The following PCDHGA10 variants were observed in gnomAD, a reference collection of about 807,000 sequenced individuals.
PCDHGA10 encodes protocadherin gamma subfamily A, 10.
In PCDHGA10, 42 loss-of-function variants were observed where a neutral mutation model predicts 59.5. The ratio of observed to expected loss-of-function variants is 0.71; its 90% CI spans 0.55 to 0.91. The LOEUF (loss-of-function observed/expected upper bound fraction) is 0.91, where lower values mean the gene tolerates loss of function less well. PCDHGA10 is among the 40% of genes least tolerant of loss of function. PCDHGA10 has a pLI of 0.00. For missense variants in PCDHGA10, 1,111 were observed against 1,198.2 expected (o/e 0.93, Z 1.07); for synonymous variants, 511 against 517.2 (o/e 0.99, Z 0.16).
intron 2 of PCDHGA10, among the ~76,000 whole-genome samples, chr5:141,504,354 G>C (rs1349256606): frequency 6.6e-6 from 1 of 152,100 alleles, no homozygotes; most frequent in Non-Finnish European, 1.5e-5. Flanking sequence ...TGTGCTAGGT[G>C]CTTCAGTAGG....
At chr5:141,427,869 AC>A in intron 1 of PCDHGA10, 1 of 1,559,604 alleles carries the variant, frequency 6.4e-7, no homozygotes, top group Non-Finnish European at 8.8e-7. Context: ...CTTCGAGCTC[AC>A]GATGCAGGCC....
intron 1 of PCDHGA10, among the ~76,000 whole-genome samples, chr5:141,480,693 G>C (rs1488899685): frequency 2.6e-5 from 4 of 152,096 alleles, no homozygotes; most frequent in Non-Finnish European, 5.9e-5. Context: ...CTGAAACCCA[G>C]GCCACACCCC....
At chr5:141,435,884 C>G (rs1020738994) in intron 1 of PCDHGA10, among the ~76,000 whole-genome samples, 9 of 152,070 alleles carry the variant, frequency 5.9e-5, no homozygotes, top group African/African-American at 1.9e-4. Flanking sequence ...ATTGGAAACC[C>G]CTTAGAGAAT....
At position 141,485,314 on chromosome 5, in the gene PCDHGA10, T is replaced by A. The variant is rs1292296791; in HGVS notation, c.2437-9493T>A. The A allele has an allele frequency of 1.2e-6, 2 of 1,614,150 alleles. No homozygotes were observed. The highest frequency in any genetic ancestry group is 1.7e-6 in the Non-Finnish European group (2 of 1,180,032). ...CACAGGAAGGGACTTTTGTAGGGAA[T>A]GTCGCTCAAGATTTCCTGCTGGATA... On this transcript the variant is annotated intron_variant, in intron 1 of 3. Coordinates refer to ENST00000398610, the MANE Select transcript of PCDHGA10 (RefSeq NM_018913.3). This position sits in a 1 kb window ranked among gnomAD's most constrained non-coding sequence, Gnocchi z 5.7.
intron 1 of PCDHGA10, among the ~76,000 whole-genome samples, chr5:141,483,646 GTT>G (rs2099584256): frequency 6.8e-6 from 1 of 146,706 alleles, no homozygotes; most frequent in Admixed American, 6.7e-5. Flanking sequence ...AGGGGTGTGT[GTT>G]TGTGTGTGTG....
Position 141,424,000 on chromosome 5 carries a change from A to G in PCDHGA10, c.2436+8389A>G, listed in dbSNP as rs2096794510. On this transcript the variant is annotated intron_variant, in intron 1 of 3. Coordinates refer to ENST00000398610, the MANE Select transcript of PCDHGA10 (RefSeq NM_018913.3). ...ATGAGGCTCTCAATTTATTATATAT[A>G]GATACAAATTAATGATTCACAAACA... 5 of 1,076,368 alleles carry G rather than the reference A, an allele frequency of 4.6e-6. No homozygotes were observed. In the South Asian group the frequency reaches 1.4e-4, roughly 30 times the overall value. 66.7% of individuals were successfully genotyped at this position (1,076,368 alleles called of 1,614,324 possible).
At position 141,415,176 on chromosome 5, in the gene PCDHGA10, C is replaced by G. The variant is rs773987499; in HGVS notation, c.2001C>G (p.Ala667=). ...CCGCCACTGTCACGCTCACCGTGGC[C>G]GTGGCCGACAGCATCCCCCAAGTCC... ...PLSATVTLTV[A]VADSIPQVLA... The change falls in exon 1 of 4, where the codon GCC becomes GCG. Residue 667 remains alanine, a synonymous_variant. Transcript: ENST00000398610. 17 of 1,613,816 alleles carry G rather than the reference C, an allele frequency of 1.1e-5. No individual in the cohort carries two copies. The highest frequency in any genetic ancestry group is 5.1e-6 in the Non-Finnish European group (6 of 1,180,036).
rs752341952 is a variant in PCDHGA10 at position 141,431,380 on chromosome 5, T to C, written c.2436+15769T>C. 10 of 1,613,902 alleles carry C rather than the reference T, an allele frequency of 6.2e-6. No homozygotes were observed. The highest frequency in any genetic ancestry group is 8.5e-6 in the Non-Finnish European group (10 of 1,180,024). ...CCCTGGACCGCGAAGAAAAGGCTGCTCACCACCTGGTCCTTACGGCCTCCG... is the reference window on the plus strand; with the variant it reads ...CCCTGGACCGCGAAGAAAAGGCTGCCCACCACCTGGTCCTTACGGCCTCCG... On this transcript the variant is annotated intron_variant, in intron 1 of 3. Transcript: ENST00000398610. The surrounding 1 kb of genome is among the most constrained non-coding windows in gnomAD (Gnocchi z 4.8).
chr5:141,413,515 G>C lies in PCDHGA10; in HGVS notation c.340G>C (p.Val114Leu). 1 of 1,613,984 alleles carries C rather than the reference G, an allele frequency of 6.2e-7. No homozygotes were observed. Among genetic ancestry groups the C allele is most frequent in the Non-Finnish European group, 8.5e-7 (1 of 1,179,918 alleles). Residue 114 changes from valine (V) to leucine (L), a missense_variant, in exon 1 of 4, where the codon GTG (valine) becomes CTG (leucine). By Grantham distance (32) the Val-to-Leu change is conservative. Transcript: ENST00000398610. ...ARCVVSFNIL[V>L]EDRVKLFGIE... ...GTGCGTGGTGAGTTTTAATATCCTTGTGGAAGACAGGGTGAAACTTTTTGG... is the reference window on the plus strand; with the variant it reads ...GTGCGTGGTGAGTTTTAATATCCTTCTGGAAGACAGGGTGAAACTTTTTGG...
chr5:141,498,254 G>A (rs550611179), intron 2 of PCDHGA10, among the ~76,000 whole-genome samples: 2 of 152,338 alleles, frequency 1.3e-5, no homozygotes, highest in East Asian at 3.9e-4. Context: ...AGCAGGGCTG[G>A]TGTTGAGTTC....
Position 141,490,270 on chromosome 5 carries a change from A to G in PCDHGA10, c.2437-4537A>G. On this transcript the variant is annotated intron_variant, in intron 1 of 3. Coordinates refer to ENST00000398610, the MANE Select transcript of PCDHGA10 (RefSeq NM_018913.3). The surrounding 1 kb of genome is among the most constrained non-coding windows in gnomAD (Gnocchi z 5.4). The stretch of plus-strand genomic sequence containing the variant: ...GATTCAAGTGGATGTGGGGGATGTC[A>G]ATGACAATGCCCCAGAGGTGCTATT... The G allele has an allele frequency of 6.2e-7, 1 of 1,614,226 alleles. No individual in the cohort carries two copies. Among genetic ancestry groups the G allele is most frequent in the African/African-American group, 1.3e-5 (1 of 75,060 alleles).
At chr5:141,416,652 A>T (rs1028914487) in intron 1 of PCDHGA10, 1 of 152,240 alleles carries the variant, frequency 6.6e-6, no homozygotes, top group Non-Finnish European at 1.5e-5. Context: ...ACAGCTGTAA[A>T]AAAGAAAAGA....
At position 141,490,857 on chromosome 5, in the gene PCDHGA10, C is replaced by G; in HGVS notation, c.2437-3950C>G. 6.2e-7 allele frequency: 1 copy of G among 1,613,832 alleles called. No homozygotes were observed. Among genetic ancestry groups the G allele is most frequent in the Admixed American group, 1.7e-5 (1 of 60,012 alleles). On this transcript the variant is annotated intron_variant, in intron 1 of 3. Coordinates refer to ENST00000398610, the MANE Select transcript of PCDHGA10 (RefSeq NM_018913.3). The surrounding 1 kb of genome is among the most constrained non-coding windows in gnomAD (Gnocchi z 5.4). ...AGATTGTGGTGGGGGTTCGAGACTCCGGCTCTCCCCCATTGCATGCCAACA... is the reference window on the plus strand; with the variant it reads ...AGATTGTGGTGGGGGTTCGAGACTCGGGCTCTCCCCCATTGCATGCCAACA...
chr5:141,421,446 A>G, intron 1 of PCDHGA10: 1 of 1,614,106 alleles, frequency 6.2e-7, no homozygotes, highest in Non-Finnish European at 8.5e-7. Flanking sequence ...GAGGGAAGAC[A>G]CAGCTTTTCG....
rs539727453 is a variant in PCDHGA10 at position 141,487,510 on chromosome 5, C to G, written c.2437-7297C>G. ...GCTGTACACCCTTGGCTTCTGCACC[C>G]ACTCGGAGTGATAGCTTCATGATGG... On this transcript the variant is annotated intron_variant, in intron 1 of 3. Coordinates refer to ENST00000398610, the MANE Select transcript of PCDHGA10 (RefSeq NM_018913.3). This position sits in a 1 kb window ranked among gnomAD's most constrained non-coding sequence, Gnocchi z 5.0. The G allele has an allele frequency of 2.5e-6, 4 of 1,614,210 alleles. No homozygotes were observed. The highest frequency in any genetic ancestry group is 2.2e-5 in the East Asian group (1 of 44,860).
intron 1 of PCDHGA10, among the ~76,000 whole-genome samples, chr5:141,435,227 G>T (rs1461159947): frequency 1.3e-5 from 2 of 152,030 alleles, no homozygotes; most frequent in African/African-American, 4.8e-5. Context: ...TTCTTTCAAA[G>T]TTCAGTAATT....
At chr5:141,434,392 C>T (rs906051301) in intron 1 of PCDHGA10, among the ~76,000 whole-genome samples, 4 of 152,210 alleles carry the variant, frequency 2.6e-5, no homozygotes, top group African/African-American at 9.6e-5. Context: ...TGGCCATAAA[C>T]AAAATCTCTG....
At position 141,414,489 on chromosome 5, in the gene PCDHGA10, G is replaced by C. The variant is rs754325517; in HGVS notation, c.1314G>C (p.Thr438=). Residue 438 remains threonine, a synonymous_variant, in exon 1 of 4, where the codon ACG becomes ACC. Transcript: ENST00000398610. ...ATDGGSPPLS[T]EAHFMLQVAD... ...ATGGGGGAAGTCCTCCTCTATCAAC[G>C]GAAGCTCACTTTATGCTACAAGTGG... is the stretch of plus-strand genomic sequence containing the variant. 1.2e-6 allele frequency: 2 copies of C among 1,613,872 alleles called. No homozygotes were observed. The highest frequency in any genetic ancestry group is 2.2e-5 in the South Asian group (2 of 91,078).
Position 141,490,398 on chromosome 5 carries a change from C to A in PCDHGA10, c.2437-4409C>A. 1 of 1,614,168 alleles carries A rather than the reference C, an allele frequency of 6.2e-7. No homozygotes were observed. Among genetic ancestry groups the A allele is most frequent in the South Asian group, 1.1e-5 (1 of 91,088 alleles). On this transcript the variant is annotated intron_variant, in intron 1 of 3. Coordinates refer to ENST00000398610, the MANE Select transcript of PCDHGA10 (RefSeq NM_018913.3). This position sits in a 1 kb window ranked among gnomAD's most constrained non-coding sequence, Gnocchi z 5.4. ...ACTCAGGTAGAAATGGTGAAGTGAG[C>A]CTTGATATCTCTCCGGACCTGCCAT...
Sources: gnomAD v4.1 joint callset for allele counts (sites outside exome capture counted in the v4.1 genomes callset) on GRCh38, gnomAD v4.1.1 for gene constraint, Gnocchi (gnomAD v3.1) non-coding constraint, MANE v1.5 for transcripts, NCBI Gene and HGNC (gene_info 2026-07-23, HGNC 2026-07-21) for gene names.